The following AUTS2 variants were observed in gnomAD, a reference collection of about 807,000 sequenced individuals.
AUTS2 encodes activator of transcription and developmental regulator AUTS2, also known as autism susceptibility gene 2 protein.
Under a neutral mutation model 112.4 loss-of-function variants are expected in AUTS2, and 17 were observed. The observed-to-expected ratio is 0.15, with a 90% CI of 0.10 to 0.23. The LOEUF (loss-of-function observed/expected upper bound fraction) is 0.23. AUTS2 is among the 10% of genes least tolerant of loss of function. The probability of loss-of-function intolerance (pLI) is 1.00; values close to 1 mark genes in which losing one functional copy is unlikely to be tolerated. For missense variants in AUTS2, 1,510 were observed against 1,701.6 expected (o/e 0.89, Z 1.98); for synonymous variants, 751 against 702.7 (o/e 1.07, Z -1.09).
intron 1 of AUTS2, among the ~76,000 whole-genome samples, chr7:69,862,591 A>G (rs1281107471): frequency 6.6e-6 from 1 of 152,090 alleles, no homozygotes; most frequent in Non-Finnish European, 1.5e-5. Flanking sequence ...ACAGTTGTGT[A>G]TGAGGTTTTA....
chr7:70,390,571 C>T (rs1793806280), intron 4 of AUTS2, among the ~76,000 whole-genome samples: 1 of 151,826 alleles, frequency 6.6e-6, no homozygotes, highest in African/African-American at 2.4e-5. Context: ...ACTCAGGGCT[C>T]TAGAGGGACT....
intron 5 of AUTS2, among the ~76,000 whole-genome samples, chr7:70,678,036 G>C (rs950162712): frequency 6.6e-6 from 1 of 151,858 alleles, no homozygotes; most frequent in Non-Finnish European, 1.5e-5. Context: ...GAGCCGAGAT[G>C]GTGCCACTGC....
intron 1 of AUTS2, among the ~76,000 whole-genome samples, chr7:69,636,361 C>T (rs1794520005): frequency 6.6e-6 from 1 of 151,588 alleles, no homozygotes; most frequent in Non-Finnish European, 1.5e-5. Flanking sequence ...CTCCTGAGTA[C>T]GTAGCTAGGA....
At chr7:70,009,171 T>C (rs1210298988) in intron 2 of AUTS2, among the ~76,000 whole-genome samples, 4 of 152,068 alleles carry the variant, frequency 2.6e-5, no homozygotes, top group African/African-American at 9.7e-5. Flanking sequence ...CAAGAGAGCA[T>C]GAGAGCAAGA....
At position 70,784,984 on chromosome 7, in the gene AUTS2, A is replaced by G. The variant is rs1791352541; in HGVS notation, c.2189A>G (p.His730Arg). Residue 730 changes from histidine to arginine, a missense_variant, in exon 16 of 19, where the codon CAT (histidine) becomes CGT (arginine). His to Arg is a conservative substitution (Grantham distance 29). This residue lies in a region of AUTS2 where 788 missense variants were observed against 797.6 expected (regional missense o/e 0.99). Transcript: ENST00000342771. Reference protein sequence around the residue: ...PTGTPFGPPPHHSNFLNPAAH... With the variant: ...PTGTPFGPPPRHSNFLNPAAH... ...GGGACCCCTTTTGGGCCACCTCCTC[A>G]TCACAGCAACTTCCTCAACCCTGCT... 3 of 1,614,012 alleles carry G rather than the reference A, an allele frequency of 1.9e-6. No individual in the cohort carries two copies. The highest frequency in any genetic ancestry group is 2.5e-6 in the Non-Finnish European group (3 of 1,180,034).
In AUTS2 at chr7:70,102,158, G is replaced by A. The variant is rs903604033; in HGVS notation, c.523-15974G>A. Among the ~76,000 whole-genome samples, 5 of 127,470 alleles carry A rather than the reference G, an allele frequency of 3.9e-5. No individual in the cohort carries two copies. In the East Asian group the frequency reaches 6.8e-4, roughly 17 times the overall value. The allele number at this position is 127,470 out of a possible 152,430, so 83.6% of individuals were successfully genotyped here. A position where few individuals can be genotyped will look rare whatever the true frequency, so the allele number is the denominator to read the frequency against. ...TTTTGAGACAGAGTCTCGCACTTTCGCCCAGGCTGGAGTGCAGTGGCGTGA... is the reference window on the plus strand; with the variant it reads ...TTTTGAGACAGAGTCTCGCACTTTCACCCAGGCTGGAGTGCAGTGGCGTGA... On this transcript the variant is annotated intron_variant, in intron 2 of 18. Transcript: ENST00000342771.
chr7:70,654,538 T>C (rs1806670499), intron 5 of AUTS2, among the ~76,000 whole-genome samples: 3 of 152,216 alleles, frequency 2.0e-5, no homozygotes, highest in Non-Finnish European at 4.4e-5. Flanking sequence ...TCCTTTGTAA[T>C]AGCTAAGGAG....
intron 5 of AUTS2, among the ~76,000 whole-genome samples, chr7:70,546,703 C>T (rs146529355): frequency 0.056 from 8,463 of 151,580 alleles, 319 homozygotes; most frequent in South Asian, 0.11. Flanking sequence ...GGCATGAACC[C>T]GGGAGGTGGA....
chr7:70,026,012 C>G (rs977468320), intron 2 of AUTS2, among the ~76,000 whole-genome samples: 2 of 152,130 alleles, frequency 1.3e-5, no homozygotes, highest in African/African-American at 2.4e-5. Context: ...GCCCTCTGGC[C>G]TATTTTTCTC....
chr7:70,667,881 C>T (rs748567844), intron 5 of AUTS2, among the ~76,000 whole-genome samples: 14 of 152,228 alleles, frequency 9.2e-5, no homozygotes, highest in African/African-American at 2.2e-4. Context: ...ACCTAATTCT[C>T]GGCCCCTTCT....
At chr7:70,400,128 A>G (rs1794264224) in intron 4 of AUTS2, among the ~76,000 whole-genome samples, 1 of 152,134 alleles carries the variant, frequency 6.6e-6, no homozygotes, top group African/African-American at 2.4e-5. Context: ...GGATCCTTGC[A>G]ATGGGCTTTA....
chr7:70,130,919 A>G (rs2129574561), intron 3 of AUTS2, among the ~76,000 whole-genome samples: 1 of 152,344 alleles, frequency 6.6e-6, no homozygotes, highest in South Asian at 2.1e-4. Context: ...ACTTGAAGAA[A>G]TAAGAATGAA....
intron 3 of AUTS2, among the ~76,000 whole-genome samples, chr7:70,129,312 G>A (rs1348036706): frequency 6.6e-6 from 1 of 152,184 alleles, no homozygotes; most frequent in Non-Finnish European, 1.5e-5. Flanking sequence ...CTCTTCTCTG[G>A]GAGAGAGTCA....
intron 2 of AUTS2, among the ~76,000 whole-genome samples, chr7:70,049,112 G>A (rs975371868): frequency 7.2e-5 from 11 of 152,040 alleles, no homozygotes; most frequent in African/African-American, 2.7e-4. Context: ...ATTTTTGAGT[G>A]GGCTAGTTAA....
intron 5 of AUTS2, among the ~76,000 whole-genome samples, chr7:70,557,955 G>A (rs944142005): frequency 2.6e-5 from 4 of 152,162 alleles, no homozygotes; most frequent in African/African-American, 9.7e-5. Flanking sequence ...AAGCTCTGCA[G>A]TCTGCTCCAT....
chr7:69,845,884 G>A (rs1315509076), intron 1 of AUTS2, among the ~76,000 whole-genome samples: 1 of 152,176 alleles, frequency 6.6e-6, no homozygotes, highest in Non-Finnish European at 1.5e-5. Context: ...GCCTGGGGCT[G>A]CAATTCTGTT....
At chr7:70,628,607 A>G (rs1805089460) in intron 5 of AUTS2, among the ~76,000 whole-genome samples, 1 of 151,624 alleles carries the variant, frequency 6.6e-6, no homozygotes, top group South Asian at 2.1e-4. Flanking sequence ...CAGTAATCAG[A>G]ACTTTCCTTG....
At chr7:69,893,990 C>T (rs1232782959) in intron 1 of AUTS2, among the ~76,000 whole-genome samples, 1 of 152,092 alleles carries the variant, frequency 6.6e-6, no homozygotes, top group East Asian at 1.9e-4. Flanking sequence ...AAGGAAATTG[C>T]CTTTGTCAGT....
At chr7:70,281,102 T>C (rs1028756421) in intron 4 of AUTS2, among the ~76,000 whole-genome samples, 2 of 152,190 alleles carry the variant, frequency 1.3e-5, no homozygotes, top group African/African-American at 4.8e-5. Flanking sequence ...AACTATGAAC[T>C]TTATGGATAT....
Sources: allele counts gnomAD v4.1 joint callset (sites outside exome capture counted in the v4.1 genomes callset), GRCh38; gene constraint gnomAD v4.1.1; regional missense constraint gnomAD v4.1.1; transcripts MANE v1.5; gene names NCBI Gene and HGNC (gene_info 2026-07-23, HGNC 2026-07-21).